Variants in SEMA5B observed in about 807,000 individuals in gnomAD.
SEMA5B encodes semaphorin 5B, also known as semaphorin-5B.
Under a neutral mutation model 135.0 loss-of-function variants are expected in SEMA5B, and 66 were observed. That is an observed-to-expected ratio of 0.49 (90% CI 0.40 to 0.60). The LOEUF (loss-of-function observed/expected upper bound fraction) is 0.60, where lower values mean the gene tolerates loss of function less well. Ranked by LOEUF, SEMA5B falls within the 20% of genes least tolerant of loss-of-function variation. The probability of loss-of-function intolerance (pLI) is 0.00; values close to 1 mark genes in which losing one functional copy is unlikely to be tolerated. For missense variants in SEMA5B, 1,501 were observed against 1,566.3 expected (o/e 0.96, Z 0.70); for synonymous variants, 690 against 639.5 (o/e 1.08, Z -1.19).
At chr3:123,014,159 C>T (rs143689597) in intron 1 of SEMA5B, among the ~76,000 whole-genome samples, 153 of 152,290 alleles carry the variant, frequency 1.0e-3, no homozygotes, top group African/African-American at 3.4e-3. Context: ...AGCACTAGGG[C>T]GGCTGGGAGG....
chr3:122,910,346 C>T (rs200540381), intron 22 of SEMA5B, 45 bp from the exon 23 acceptor site: 9 of 1,602,966 alleles, frequency 5.6e-6, no homozygotes, highest in Middle Eastern at 1.7e-4. Flanking sequence ...AGGGAACACA[C>T]AGGGGAAGGG....
At chr3:122,960,535 G>A (rs1362274915) in intron 2 of SEMA5B, among the ~76,000 whole-genome samples, 1 of 152,204 alleles carries the variant, frequency 6.6e-6, no homozygotes, top group Non-Finnish European at 1.5e-5. Context: ...GTTCATAGTA[G>A]CATTATTTAC....
chr3:123,024,747 A>G (rs1942761831), intron 1 of SEMA5B, among the ~76,000 whole-genome samples: 1 of 152,226 alleles, frequency 6.6e-6, no homozygotes, highest in African/African-American at 2.4e-5. Flanking sequence ...TAACATGTAT[A>G]TCCAAGGCAG....
At chr3:122,988,375 C>T (rs1941764060) in intron 1 of SEMA5B, among the ~76,000 whole-genome samples, 1 of 152,142 alleles carries the variant, frequency 6.6e-6, no homozygotes. Flanking sequence ...AAACCCATAC[C>T]CAGCTAAAAT....
In SEMA5B at chr3:122,910,823, A is replaced by C; in HGVS notation, c.3297+17T>G. 1 of 1,558,308 alleles carries C rather than the reference A, an allele frequency of 6.4e-7. No homozygotes were observed. Among genetic ancestry groups the C allele is most frequent in the Non-Finnish European group, 8.6e-7 (1 of 1,156,524 alleles). Reference sequence around the variant, plus strand: ...AGACTCCGTCTCAAAAAAAAAAAAAAAAAAGAAGGCTCCCACCTTGAATTC... The same window carrying C: ...AGACTCCGTCTCAAAAAAAAAAAAACAAAAGAAGGCTCCCACCTTGAATTC... On this transcript the variant is annotated intron_variant, in intron 22 of 22. Transcript: ENST00000357599.
chr3:123,000,880 C>T (rs1009968428), intron 1 of SEMA5B, among the ~76,000 whole-genome samples: 1 of 152,202 alleles, frequency 6.6e-6, no homozygotes, highest in Non-Finnish European at 1.5e-5. Flanking sequence ...CACCTGCGTA[C>T]GTGGTCGTAG....
chr3:123,001,831 C>T (rs1175871058), intron 1 of SEMA5B, among the ~76,000 whole-genome samples: 1 of 152,138 alleles, frequency 6.6e-6, no homozygotes, highest in Non-Finnish European at 1.5e-5. Context: ...TATTGGGTAA[C>T]CAACTCCTTT....
chr3:122,995,769 A>G (rs1942009641), intron 1 of SEMA5B, among the ~76,000 whole-genome samples: 1 of 152,146 alleles, frequency 6.6e-6, no homozygotes, highest in South Asian at 2.1e-4. Context: ...TCTCTGGCCC[A>G]CTGTATCTTC....
intron 12 of SEMA5B, among the ~76,000 whole-genome samples, chr3:122,919,148 T>C (rs1938226166): frequency 6.6e-6 from 1 of 151,942 alleles, no homozygotes; most frequent in Admixed American, 6.6e-5. Context: ...AGTCTCACAG[T>C]GGGAGCTGTC....
At chr3:122,980,835 G>T (rs1941501041) in intron 1 of SEMA5B, among the ~76,000 whole-genome samples, 1 of 152,242 alleles carries the variant, frequency 6.6e-6, no homozygotes, top group Admixed American at 6.5e-5. Flanking sequence ...CTCCCCGCCT[G>T]CTCCTGAGAG....
chr3:122,942,704 G>A (rs1939610528), intron 4 of SEMA5B, among the ~76,000 whole-genome samples: 1 of 152,212 alleles, frequency 6.6e-6, no homozygotes, highest in Admixed American at 6.5e-5. Context: ...TGGAAGGGTT[G>A]CTAAAACACA....
chr3:122,950,971 T>G (rs1560350368), intron 2 of SEMA5B, among the ~76,000 whole-genome samples: 1 of 152,190 alleles, frequency 6.6e-6, no homozygotes, highest in Non-Finnish European at 1.5e-5. Context: ...TCTTGCTCTG[T>G]CTCCCAGGTT....
At chr3:122,918,993 CTTTTTTTTTTTT>C (rs63373262) in intron 12 of SEMA5B, among the ~76,000 whole-genome samples, 1 of 80,362 alleles carries the variant, frequency 1.2e-5, no homozygotes, top group African/African-American at 4.1e-5. Flanking sequence ...ATCACCATGT[CTTTTTTTTTTTT>C]TTTTTTTTTT....
intron 1 of SEMA5B, among the ~76,000 whole-genome samples, chr3:122,965,456 C>T (rs943863127): frequency 5.3e-5 from 8 of 152,236 alleles, no homozygotes; most frequent in Admixed American, 5.2e-4. Flanking sequence ...GGGCACCAAT[C>T]CCTTTCCTTT....
chr3:122,970,857 A>G (rs994451327), intron 1 of SEMA5B, among the ~76,000 whole-genome samples: 1 of 152,234 alleles, frequency 6.6e-6, no homozygotes, highest in Admixed American at 6.5e-5. Context: ...CAAACTGCCC[A>G]GAGAAACAGG....
intron 6 of SEMA5B, 124 bp from the exon 7 acceptor site, chr3:122,928,739 C>A: frequency 1.3e-6 from 1 of 798,944 alleles, no homozygotes. Flanking sequence ...GACCCCAGAT[C>A]CACCTGTCCC....
intron 21 of SEMA5B, chr3:122,911,267 C>G (rs573077039): frequency 2.0e-4 from 264 of 1,334,010 alleles, no homozygotes; most frequent in Non-Finnish European, 3.0e-5. Context: ...ACCAGAGGGT[C>G]TAGAGTCAGA....
At chr3:122,929,166 GA>G in intron 5 of SEMA5B, 108 bp from the exon 6 acceptor site, 2 of 1,079,960 alleles carry the variant, frequency 1.9e-6, no homozygotes, top group Non-Finnish European at 1.4e-6. Flanking sequence ...ATGAAGCTGT[GA>G]AGGAGGGCTG....
intron 3 of SEMA5B, among the ~76,000 whole-genome samples, chr3:122,946,103 A>G (rs1939782604): frequency 6.6e-6 from 1 of 152,206 alleles, no homozygotes; most frequent in South Asian, 2.1e-4. Context: ...AGAGAAAAAG[A>G]CATTCTCCAT....
Sources: gnomAD v4.1 joint callset for allele counts (sites outside exome capture counted in the v4.1 genomes callset) on GRCh38, gnomAD v4.1.1 for gene constraint, MANE v1.5 for transcripts, NCBI Gene and HGNC (gene_info 2026-07-23, HGNC 2026-07-21) for gene names.